Variants in BAG5 observed in about 807,000 individuals in gnomAD.
The protein encoded by BAG5 is BAG cochaperone 5.
A neutral mutation model predicts 31.8 loss-of-function variants in BAG5; 25 were observed. The observed-to-expected ratio is 0.79, with a 90% CI of 0.57 to 1.10. The LOEUF is 1.10. Among genes scored for constraint, BAG5 ranks in the 50% least tolerant of loss-of-function variants. The pLI, the probability that BAG5 is intolerant of heterozygous loss-of-function variation, is 0.00. For synonymous variants in BAG5, 208 were observed against 205.0 expected (o/e 1.01, Z -0.13); for missense variants, 491 against 527.9 (o/e 0.93, Z 0.68).
rs573721371 is a variant in BAG5 at position 103,558,567 on chromosome 14, C to T, written c.*1254G>A. The T allele has an allele frequency of 6.6e-6, 1 of 152,334 alleles. No individual in the cohort carries two copies. Among genetic ancestry groups the T allele is most frequent in the South Asian group, 2.1e-4 (1 of 4,824 alleles). The allele number at this position is 152,334 out of a possible 1,614,324, so 9.4% of individuals were successfully genotyped here. ...CTCAGAAAGCATTTATGGAAATACA[C>T]ATCCTTTAGAAGAGAGATGCTTCAC... On this transcript the variant is annotated 3_prime_UTR_variant, in exon 2 of 2. Coordinates refer to ENST00000299204, the MANE Select transcript of BAG5 (RefSeq NM_001015048.3).
In BAG5 at chr14:103,560,995, T is replaced by A. The variant is rs149290250; in HGVS notation, c.170A>T (p.Asp57Val). Residue 57 changes from aspartate (D) to valine (V), a missense_variant, in exon 2 of 2, where the codon GAT (aspartate) becomes GTT (valine). Asp to Val is a radical substitution (Grantham distance 152). Transcript: ENST00000299204. ...CTGAATATCTCCTTTTCCTTCAGTA[T>A]CTACAGAGTCTATTTCAAAAAGCTG... ...TKQLFEIDSV[D>V]TEGKGDIQQA... 6 of 1,614,168 alleles carry A rather than the reference T, an allele frequency of 3.7e-6. No homozygotes were observed. The African/African-American group carries it at 8.0e-5, about 22-fold the overall frequency.
Position 103,560,801 on chromosome 14 carries a change from CA to C in BAG5, c.363del (p.Asp121GlufsTer12). On this transcript the variant is annotated frameshift_variant, in exon 2 of 2. Transcript: ENST00000299204. LOFTEE classifies it high-confidence loss of function. The part of the protein sequence containing the change: ...PFYNGGNCVT[D>X]EFEEGIQDII... The stretch of plus-strand genomic sequence containing the variant: ...ATATCTTGGATGCCTTCTTCAAACT[CA>C]TCAGTTACGCAGTTGCCTCCATTAT... 6.2e-7 allele frequency: 1 copy of C among 1,613,986 alleles called. No individual in the cohort carries two copies. The highest frequency in any genetic ancestry group is 8.5e-7 in the Non-Finnish European group (1 of 1,180,004).
rs74088040 is a variant in BAG5, at chr14:103,561,514, A to G, written c.-28-322T>C. Among the ~76,000 whole-genome samples the G allele has an allele frequency of 8.5e-3, 1,295 of 152,246 alleles. 20 individuals are homozygous for G. The highest frequency in any genetic ancestry group is 0.03 in the African/African-American group (1,252 of 41,522). On this transcript the variant is annotated intron_variant, in intron 1 of 1. Transcript: ENST00000299204. ...TTGGAACCAGCAGGGCACCTTTATG[A>G]AAGGTGAAACAGTAGCTCTTGTAAC...
chr14:103,558,888 A>G lies in BAG5; in HGVS notation c.*933T>C, dbSNP rs1306428847. 1.3e-5 allele frequency: 2 copies of G among 152,248 alleles called. No homozygotes were observed. Among genetic ancestry groups the G allele is most frequent in the African/African-American group, 4.8e-5 (2 of 41,456 alleles). 9.4% of individuals were successfully genotyped at this position (152,248 alleles called of 1,614,324 possible). A position where few individuals can be genotyped will look rare whatever the true frequency, so the allele number is the denominator to read the frequency against. ...TGTCCATTTTACAGCCTTGGACAACAGAAGAGAACCATTATGTGCTACATT... is the reference window on the plus strand; with the variant it reads ...TGTCCATTTTACAGCCTTGGACAACGGAAGAGAACCATTATGTGCTACATT... On this transcript the variant is annotated 3_prime_UTR_variant, in exon 2 of 2. Transcript: ENST00000299204.
At chr14:103,561,263 CATTCTAAA>C in intron 1 of BAG5, 71 bp from the exon 2 acceptor site, 1 of 1,441,486 alleles carries the variant, frequency 6.9e-7, no homozygotes, top group Non-Finnish European at 9.3e-7. Flanking sequence ...TATATTAAGT[CATTCTAAA>C]ATTCTCATTT....
rs1386574948 is a variant in BAG5 at position 103,558,277 on chromosome 14, G to C, written c.*1544C>G. On this transcript the variant is annotated 3_prime_UTR_variant, in exon 2 of 2. Coordinates refer to ENST00000299204, the MANE Select transcript of BAG5 (RefSeq NM_001015048.3). ...ATACTGAGAGACAAGCTGAAGATTT[G>C]TTAAGGGCTATGCTTCTGTCATCTT... The C allele has an allele frequency of 1.3e-5, 2 of 152,198 alleles. No individual in the cohort carries two copies. Among genetic ancestry groups the C allele is most frequent in the Admixed American group, 6.5e-5 (1 of 15,276 alleles). The allele number at this position is 152,198 out of a possible 1,614,324, so 9.4% of individuals were successfully genotyped here.
At position 103,560,208 on chromosome 14, in the gene BAG5, C is replaced by T. The variant is rs2076062233; in HGVS notation, c.957G>A (p.Glu319=). The change falls in exon 2 of 2, where the codon GAG becomes GAA. Residue 319 remains glutamate, a synonymous_variant. Coordinates refer to ENST00000299204, the MANE Select transcript of BAG5 (RefSeq NM_001015048.3). Reference sequence around the variant, plus strand: ...TGCAGGGGTTTTTTTCAAGACTTACCTCATCCAACTGTCCAATTAAACCCT... The same window carrying T: ...TGCAGGGGTTTTTTTCAAGACTTACTTCATCCAACTGTCCAATTAAACCCT... ...ELQGLIGQLD[E]VSLEKNPCIR... 1 of 1,614,110 alleles carries T rather than the reference C, an allele frequency of 6.2e-7. No homozygotes were observed. Among genetic ancestry groups the T allele is most frequent in the Non-Finnish European group, 8.5e-7 (1 of 1,180,024 alleles).
chr14:103,561,502 G>A (rs960673986), intron 1 of BAG5, among the ~76,000 whole-genome samples: 1 of 152,120 alleles, frequency 6.6e-6, no homozygotes, highest in Non-Finnish European at 1.5e-5. Flanking sequence ...GAACCAGCAG[G>A]GCACCTTTAT....
In BAG5 at chr14:103,559,785, G is replaced by A. The variant is rs2076058448; in HGVS notation, c.*36C>T. The A allele has an allele frequency of 6.3e-7, 1 of 1,596,412 alleles. No homozygotes were observed. Among genetic ancestry groups the A allele is most frequent in the Admixed American group, 1.7e-5 (1 of 59,204 alleles). On this transcript the variant is annotated 3_prime_UTR_variant, in exon 2 of 2. Transcript: ENST00000299204. ...CTCTATACATAGAAGCACATATGAA[G>A]TGCAAAACAGTATCAAAAGTGAGAT...
chr14:103,559,942 G>T lies in BAG5; in HGVS notation c.1223C>A (p.Ala408Asp). Residue 408 changes from alanine (A) to aspartate (D), a missense_variant, in exon 2 of 2, where the codon GCC becomes GAC. Ala to Asp is a moderately radical substitution (Grantham distance 126). Coordinates refer to ENST00000299204, the MANE Select transcript of BAG5 (RefSeq NM_001015048.3). The part of the protein sequence containing the change: ...LEELLTKQLL[A>D]LDAVDPQGEE... ...TCCCTGCGGATCAACAGCATCCAGGGCTAGCAGCTGCTTGGTGAGCAGCTC... is the reference window on the plus strand; with the variant it reads ...TCCCTGCGGATCAACAGCATCCAGGTCTAGCAGCTGCTTGGTGAGCAGCTC... 6.2e-7 allele frequency: 1 copy of T among 1,614,194 alleles called. No individual in the cohort carries two copies. The highest frequency in any genetic ancestry group is 8.5e-7 in the Non-Finnish European group (1 of 1,180,040).
chr14:103,562,076 C>T, intron 1 of BAG5: 1 of 1,033,716 alleles, frequency 9.7e-7, no homozygotes, highest in Non-Finnish European at 1.5e-6. Context: ...CTCCCCGCCT[C>T]GCCCTTCCCT....
At position 103,562,477 on chromosome 14, in the gene BAG5, C is replaced by T. The variant is rs1360478463; in HGVS notation, c.-29+139G>A. 6 of 184,686 alleles carry T rather than the reference C, an allele frequency of 3.2e-5. No homozygotes were observed. The Admixed American group carries it at 3.5e-4, about 11-fold the overall frequency. 11.4% of individuals were successfully genotyped at this position (184,686 alleles called of 1,614,324 possible). ...GGGGCGGGGACAGCGCCGAGACCGA[C>T]TCTGCCCTGCCTGATCCGACAGGCC... On this transcript the variant is annotated intron_variant, in intron 1 of 1. Transcript: ENST00000299204.
At chr14:103,562,133 G>T in intron 1 of BAG5, 1 of 687,688 alleles carries the variant, frequency 1.5e-6, no homozygotes, top group Non-Finnish European at 2.6e-6. Flanking sequence ...CGGTCTTGGC[G>T]TCCCGTGGCT....
rs1276067169 is a variant in BAG5, at chr14:103,558,391, C to G, written c.*1430G>C. 6.6e-6 allele frequency: 1 copy of G among 152,200 alleles called. No individual in the cohort carries two copies. The highest frequency in any genetic ancestry group is 1.5e-5 in the Non-Finnish European group (1 of 68,042). 9.4% of individuals were successfully genotyped at this position (152,200 alleles called of 1,614,324 possible). A position where few individuals can be genotyped will look rare whatever the true frequency, so the allele number is the denominator to read the frequency against. On this transcript the variant is annotated 3_prime_UTR_variant, in exon 2 of 2. Coordinates refer to ENST00000299204, the MANE Select transcript of BAG5 (RefSeq NM_001015048.3). ...ACACAGAGTTACACAATGAGCATCT[C>G]TGAAAGAGAATATTACCCTGGATTT...
chr14:103,561,659 G>A, intron 1 of BAG5: 3 of 479,950 alleles, frequency 6.3e-6, no homozygotes, highest in South Asian at 3.0e-5. Flanking sequence ...CAAGGTCCCC[G>A]CTTCTTCGTT....
At chr14:103,562,152 G>A in intron 1 of BAG5, 3 of 645,588 alleles carry the variant, frequency 4.6e-6, no homozygotes, top group South Asian at 1.7e-5. Context: ...CTGAGGTGGC[G>A]AGGTGGAAGA....
rs1032506516 is a variant in BAG5 at position 103,556,574 on chromosome 14, G to C, written c.*3247C>G. 3.9e-5 allele frequency: 6 copies of C among 152,040 alleles called. No homozygotes were observed. The highest frequency in any genetic ancestry group is 1.2e-4 in the African/African-American group (5 of 41,404). 9.4% of individuals were successfully genotyped at this position (152,040 alleles called of 1,614,324 possible). A position where few individuals can be genotyped will look rare whatever the true frequency, so the allele number is the denominator to read the frequency against. On this transcript the variant is annotated 3_prime_UTR_variant, in exon 2 of 2. Coordinates refer to ENST00000299204, the MANE Select transcript of BAG5 (RefSeq NM_001015048.3). ...TCTCCACTGCAAGCGTAAGAGACTGGTTTTATTTCAAGAATAACTAAGGGT... is the reference window on the plus strand; with the variant it reads ...TCTCCACTGCAAGCGTAAGAGACTGCTTTTATTTCAAGAATAACTAAGGGT...
chr14:103,560,623 G>C lies in BAG5; in HGVS notation c.542C>G (p.Pro181Arg). The C allele has an allele frequency of 3.7e-6, 6 of 1,614,182 alleles. No individual in the cohort carries two copies. The highest frequency in any genetic ancestry group is 5.1e-6 in the Non-Finnish European group (6 of 1,180,028). ...PSLPLSEDAH[P>R]SVAKINFVMC... ...CACGAAGTTGATTTTGGCAACGGAA[G>C]GATGTGCATCCTCGGAAAGCGGCAG... is the stretch of plus-strand genomic sequence containing the variant. The change falls in exon 2 of 2, where the codon CCT becomes CGT. Residue 181 changes from proline (P) to arginine (R), a missense_variant. Pro to Arg is a moderately radical substitution (Grantham distance 103). Transcript: ENST00000299204.
In BAG5 at chr14:103,561,145, T is replaced by G; in HGVS notation, c.20A>C (p.His7Pro). Residue 7 changes from histidine to proline, a missense_variant, in exon 2 of 2, where the codon CAT (histidine) becomes CCT (proline). By Grantham distance (77) the His-to-Pro change is moderately conservative. Transcript: ENST00000299204. Reference sequence around the variant, plus strand: ...TTCCTGAAGCCTACTAATAGAAGGATGTTGGTTTCCCATATCCATACTTTT... The same window carrying G: ...TTCCTGAAGCCTACTAATAGAAGGAGGTTGGTTTCCCATATCCATACTTTT... MDMGNQ[H>P]PSISRLQEIQ... The G allele has an allele frequency of 1.2e-6, 2 of 1,600,360 alleles. No homozygotes were observed. The highest frequency in any genetic ancestry group is 2.2e-5 in the South Asian group (2 of 91,046).
Sources: allele counts gnomAD v4.1 joint callset (sites outside exome capture counted in the v4.1 genomes callset), GRCh38; gene constraint gnomAD v4.1.1; transcripts MANE v1.5; gene names NCBI Gene and HGNC (gene_info 2026-07-23, HGNC 2026-07-21).